Variants in SLC17A6 observed in about 807,000 individuals in gnomAD.
The protein encoded by SLC17A6 is vesicular glutamate transporter 2.
A neutral mutation model predicts 67.1 loss-of-function variants in SLC17A6; 35 were observed. The ratio of observed to expected loss-of-function variants is 0.52; its 90% CI spans 0.40 to 0.69. The LOEUF (loss-of-function observed/expected upper bound fraction) is 0.69, where lower values mean the gene tolerates loss of function less well. SLC17A6 is among the 30% of genes least tolerant of loss of function. SLC17A6 has a pLI of 0.00. For synonymous variants in SLC17A6, 285 were observed against 252.3 expected (o/e 1.13, Z -1.23); for missense variants, 588 against 723.9 (o/e 0.81, Z 2.15).
At chr11:22,341,960 C>T (rs1387638030) in intron 2 of SLC17A6, among the ~76,000 whole-genome samples, 180 bp downstream of exon 2, 6 of 152,240 alleles carry the variant, frequency 3.9e-5, no homozygotes, top group African/African-American at 1.4e-4. Context: ...TCCCTTTTCG[C>T]TCTGCTGTCT....
chr11:22,354,340 C>T (rs1330362080), intron 3 of SLC17A6, among the ~76,000 whole-genome samples: 2 of 152,074 alleles, frequency 1.3e-5, no homozygotes, highest in African/African-American at 4.8e-5. Context: ...CACCTCGGCC[C>T]CCAAAAATGC....
At chr11:22,357,076 C>A (rs1386840954) in intron 3 of SLC17A6, among the ~76,000 whole-genome samples, 2 of 152,154 alleles carry the variant, frequency 1.3e-5, no homozygotes, top group African/African-American at 4.8e-5. Context: ...ATCCTAGTGG[C>A]AAAACTCATT....
At position 22,362,763 on chromosome 11, in the gene SLC17A6, C is replaced by A; in HGVS notation, c.686C>A (p.Ala229Glu). 6.2e-7 allele frequency: 1 copy of A among 1,613,760 alleles called. No homozygotes were observed. The highest frequency in any genetic ancestry group is 8.5e-7 in the Non-Finnish European group (1 of 1,179,656). The change falls in exon 6 of 12, where the codon GCA (alanine) becomes GAA (glutamate). Residue 229 changes from alanine (A) to glutamate (E), a missense_variant. By Grantham distance (107) the Ala-to-Glu change is moderately radical. This residue lies in a region of SLC17A6 where 414 missense variants were observed against 563.4 expected (regional missense o/e 0.73). Coordinates refer to ENST00000263160, the MANE Select transcript of SLC17A6 (RefSeq NM_020346.3). ...GGTTCCTATGCCGGAGCTGTGATTG[C>A]AATGCCTTTAGCTGGCATTCTTGTG... ...FCGSYAGAVI[A>E]MPLAGILVQY...
intron 1 of SLC17A6, among the ~76,000 whole-genome samples, chr11:22,341,092 G>A (rs1337163509): frequency 2.6e-5 from 4 of 152,224 alleles, no homozygotes; most frequent in African/African-American, 7.2e-5. Context: ...GGAGGACACC[G>A]CGGTAGTCAG....
At position 22,338,381 on chromosome 11, in the gene SLC17A6, A is replaced by T; in HGVS notation, c.-153A>T. ...ATTCTCACTCTCCCTCCCTTCTCTC[A>T]CTCTCACTCTTGCTGGAGGCGAGCC... On this transcript the variant is annotated 5_prime_UTR_variant, in exon 1 of 12. Transcript: ENST00000263160. 1 of 584,222 alleles carries T rather than the reference A, an allele frequency of 1.7e-6. No individual in the cohort carries two copies. Among genetic ancestry groups the T allele is most frequent in the Non-Finnish European group, 3.1e-6 (1 of 320,694 alleles). 36.2% of individuals were successfully genotyped at this position (584,222 alleles called of 1,614,324 possible). A position where few individuals can be genotyped will look rare whatever the true frequency, so the allele number is the denominator to read the frequency against.
chr11:22,359,521 T>C lies in SLC17A6; in HGVS notation c.567T>C (p.Leu189=). The C allele has an allele frequency of 6.3e-7, 1 of 1,575,644 alleles. No individual in the cohort carries two copies. The highest frequency in any genetic ancestry group is 8.6e-7 in the Non-Finnish European group (1 of 1,159,946). ...CVIFVRILQG[L]VEGVTYPACH... ...TCTTTGTCAGAATACTGCAGGGACTTGTTGAGGTATGTAACTTCAGGGTGA... is the reference window on the plus strand; with the variant it reads ...TCTTTGTCAGAATACTGCAGGGACTCGTTGAGGTATGTAACTTCAGGGTGA... Residue 189 remains leucine, a synonymous_variant, in exon 4 of 12, where the codon CTT becomes CTC. Transcript: ENST00000263160.
chr11:22,347,599 T>C (rs776781264), intron 3 of SLC17A6, among the ~76,000 whole-genome samples: 2 of 152,218 alleles, frequency 1.3e-5, no homozygotes, highest in Non-Finnish European at 2.9e-5. Flanking sequence ...GGTTTATTTC[T>C]AGTGTGATAA....
At chr11:22,342,536 C>T (rs1855828275) in intron 2 of SLC17A6, among the ~76,000 whole-genome samples, 1 of 152,112 alleles carries the variant, frequency 6.6e-6, no homozygotes, top group South Asian at 2.1e-4. Flanking sequence ...TCCCACCTTT[C>T]GGATGTAAAT....
At chr11:22,342,878 G>C in intron 2 of SLC17A6, 2 of 455,488 alleles carry the variant, frequency 4.4e-6, no homozygotes, top group South Asian at 3.2e-5. Flanking sequence ...GGCCGGATTC[G>C]TTAAGTGGAC....
At chr11:22,358,134 T>C (rs1415427708) in intron 3 of SLC17A6, among the ~76,000 whole-genome samples, 1 of 152,180 alleles carries the variant, frequency 6.6e-6, no homozygotes, top group Admixed American at 6.5e-5. Context: ...GATTAGAGCT[T>C]CTATGAGGCA....
chr11:22,351,616 T>C (rs1489608297), intron 3 of SLC17A6, among the ~76,000 whole-genome samples: 1 of 152,024 alleles, frequency 6.6e-6, no homozygotes, highest in African/African-American at 2.4e-5. Context: ...TTATTAAATA[T>C]TTTTACTGTG....
chr11:22,357,498 C>T (rs1020193474), intron 3 of SLC17A6, among the ~76,000 whole-genome samples: 1 of 152,000 alleles, frequency 6.6e-6, no homozygotes, highest in Admixed American at 6.6e-5. Flanking sequence ...TGAATAAATG[C>T]CAGAGATGGT....
At chr11:22,339,383 C>G (rs1222346356) in intron 1 of SLC17A6, among the ~76,000 whole-genome samples, 1 of 151,488 alleles carries the variant, frequency 6.6e-6, no homozygotes, top group Non-Finnish European at 1.5e-5. Flanking sequence ...TTATTTTCAT[C>G]TCCTAGAGTC....
chr11:22,352,498 G>A (rs1855951587), intron 3 of SLC17A6, among the ~76,000 whole-genome samples: 1 of 152,158 alleles, frequency 6.6e-6, no homozygotes, highest in Non-Finnish European at 1.5e-5. Flanking sequence ...CCTCAGAAGA[G>A]GAAGTTATAA....
intron 8 of SLC17A6, 23 bp downstream of exon 8, chr11:22,370,211 T>A: frequency 1.3e-6 from 2 of 1,574,606 alleles, no homozygotes; most frequent in South Asian, 2.4e-5. Context: ...TATTCTTATA[T>A]AAATTGTGGA....
intron 4 of SLC17A6, 37 bp downstream of exon 4, chr11:22,359,564 C>A: frequency 2.2e-6 from 3 of 1,375,216 alleles, no homozygotes; most frequent in Non-Finnish European, 3.0e-6. Flanking sequence ...TTAAGATTGG[C>A]ATTTGGTTGA....
intron 2 of SLC17A6, among the ~76,000 whole-genome samples, chr11:22,342,350 G>T (rs935919701): frequency 6.6e-5 from 10 of 152,058 alleles, no homozygotes; most frequent in African/African-American, 2.4e-4. Flanking sequence ...CAGAACCCCT[G>T]GGTCCAGACT....
chr11:22,348,041 C>T (rs1296910856), intron 3 of SLC17A6, among the ~76,000 whole-genome samples: 1 of 152,094 alleles, frequency 6.6e-6, no homozygotes, highest in African/African-American at 2.4e-5. Context: ...CATATTATTG[C>T]TGGACAGAGC....
chr11:22,375,842 T>C, intron 9 of SLC17A6, 140 bp from the exon 10 acceptor site: 1 of 536,486 alleles, frequency 1.9e-6, no homozygotes, highest in Non-Finnish European at 3.3e-6. Flanking sequence ...ATTATGATTA[T>C]TATGATTATT....
Sources: gnomAD v4.1 joint callset for allele counts (sites outside exome capture counted in the v4.1 genomes callset) on GRCh38, gnomAD v4.1.1 for gene constraint, gnomAD v4.1.1 regional missense constraint, MANE v1.5 for transcripts, NCBI Gene and HGNC (gene_info 2026-07-23, HGNC 2026-07-21) for gene names.